CDH18: variants seen among roughly 807,000 people sequenced by gnomAD.
CDH18 encodes the protein cadherin-18.
CDH18 carries 31 observed loss-of-function variants against 67.9 expected under a neutral mutation model. That is an observed-to-expected ratio of 0.46 (90% CI 0.34 to 0.62). CDH18 has a LOEUF of 0.62. CDH18 is among the 20% of genes least tolerant of loss of function. The pLI, the probability that CDH18 is intolerant of heterozygous loss-of-function variation, is 0.01. For missense variants in CDH18, 890 were observed against 975.5 expected, an observed-to-expected ratio of 0.91 and a Z score of 1.17; for synonymous variants, 362 against 347.2, an observed-to-expected ratio of 1.04 and a Z score of -0.48.
intron 1 of CDH18, among the ~76,000 whole-genome samples, chr5:20,323,340 TCTTGAGTCCTAAA>T (rs1221070126): frequency 6.6e-6 from 1 of 152,168 alleles, no homozygotes. Context: ...TTTATTTTTT[TCTTGAGTCCTAAA>T]CTTGGGTCCT....
At chr5:19,928,952 A>C (rs1793387699) in intron 2 of CDH18, among the ~76,000 whole-genome samples, 1 of 150,230 alleles carries the variant, frequency 6.7e-6, no homozygotes, top group African/African-American at 2.4e-5. Context: ...GACCTAAATC[A>C]TTTTTATTTT....
At chr5:20,066,673 T>A (rs997690814) in intron 2 of CDH18, among the ~76,000 whole-genome samples, 2 of 151,736 alleles carry the variant, frequency 1.3e-5, no homozygotes, top group East Asian at 1.9e-4. Context: ...TTTTCATACT[T>A]TTTTTCTTTA....
intron 1 of CDH18, among the ~76,000 whole-genome samples, chr5:20,490,247 T>C (rs189708582): frequency 2.0e-5 from 3 of 152,108 alleles, no homozygotes; most frequent in African/African-American, 7.2e-5. Context: ...GCAAACATTA[T>C]AGTGTGTCAT....
intron 2 of CDH18, among the ~76,000 whole-genome samples, chr5:20,158,339 C>G (rs901032250): frequency 6.6e-6 from 1 of 151,940 alleles, no homozygotes; most frequent in Admixed American, 6.6e-5. Flanking sequence ...TTTTTCACAA[C>G]AAGGCATATT....
At chr5:19,537,543 T>C (rs1749617758) in intron 9 of CDH18, among the ~76,000 whole-genome samples, 2 of 152,236 alleles carry the variant, frequency 1.3e-5, no homozygotes, top group Non-Finnish European at 2.9e-5. Context: ...CAGACACATT[T>C]GGAATCAGAA....
chr5:20,100,837 G>C (rs11748152), intron 2 of CDH18, among the ~76,000 whole-genome samples: 1 of 151,970 alleles, frequency 6.6e-6, no homozygotes, highest in Non-Finnish European at 1.5e-5. Flanking sequence ...GCATCTATCT[G>C]TTGTTTAGTT....
chr5:19,642,793 G>C (rs76357583), intron 5 of CDH18, among the ~76,000 whole-genome samples: 2,270 of 151,974 alleles, frequency 0.015, 55 homozygotes, highest in African/African-American at 0.052. Flanking sequence ...TTACCCCAAA[G>C]ACACAGGCAA....
chr5:19,722,246 G>T (rs1386896424), intron 4 of CDH18, among the ~76,000 whole-genome samples: 1 of 151,752 alleles, frequency 6.6e-6, no homozygotes, highest in Non-Finnish European at 1.5e-5. Context: ...TAGAAACAGG[G>T]TTTCGCCATG....
chr5:20,228,825 T>C (rs1158577879), intron 2 of CDH18, among the ~76,000 whole-genome samples: 1 of 152,130 alleles, frequency 6.6e-6, no homozygotes, highest in Non-Finnish European at 1.5e-5. Context: ...AATGGATGAA[T>C]GGATAAAACA....
intron 3 of CDH18, among the ~76,000 whole-genome samples, chr5:19,827,281 A>G (rs1287282605): frequency 6.6e-6 from 1 of 151,314 alleles, no homozygotes; most frequent in African/African-American, 2.4e-5. Context: ...CAGTAATAGT[A>G]GGAGACTTCA....
intron 2 of CDH18, among the ~76,000 whole-genome samples, chr5:19,908,250 A>C (rs1440473822): frequency 6.6e-6 from 1 of 152,070 alleles, no homozygotes; most frequent in African/African-American, 2.4e-5. Flanking sequence ...AGGTACTTTT[A>C]TGTTTCAAAG....
rs1561848231 is a variant in CDH18, at chr5:20,172,199, T to TAC, written c.-518+83244_-518+83245insGT. Among the ~76,000 whole-genome samples, 31 of 52,860 alleles carry TAC rather than the reference T, an allele frequency of 5.9e-4. 3 individuals carry two copies. In the South Asian group the frequency reaches 0.017, roughly 28 times the overall value. The allele number at this position is 52,860 out of a possible 152,430, so 34.7% of individuals were successfully genotyped here. ...ATCAATAGCATTGTGTGTATATATA[T>TAC]ATATATATATATATATATATATATG... On this transcript the variant is annotated intron_variant, in intron 2 of 14. Transcript: ENST00000507958.
At chr5:20,028,820 T>C (rs1285247796) in intron 2 of CDH18, among the ~76,000 whole-genome samples, 1 of 151,660 alleles carries the variant, frequency 6.6e-6, no homozygotes, top group Non-Finnish European at 1.5e-5. Context: ...AATTTGTCAT[T>C]TAATATTTTT....
At chr5:20,538,255 G>T (rs1756839845) in intron 1 of CDH18, among the ~76,000 whole-genome samples, 1 of 152,068 alleles carries the variant, frequency 6.6e-6, no homozygotes, top group South Asian at 2.1e-4. Context: ...CGTGGGCAGG[G>T]TGTAAGAATT....
At chr5:19,716,489 C>T (rs902177035) in intron 5 of CDH18, among the ~76,000 whole-genome samples, 1 of 151,790 alleles carries the variant, frequency 6.6e-6, no homozygotes, top group Non-Finnish European at 1.5e-5. Flanking sequence ...TATAATAACG[C>T]CATGTCAAAA....
intron 1 of CDH18, among the ~76,000 whole-genome samples, chr5:20,266,571 ATTTTTTTTTT>A (rs34718835): frequency 2.0e-4 from 12 of 59,182 alleles, no homozygotes; most frequent in African/African-American, 4.2e-4. Flanking sequence ...GCCCGGCTGA[ATTTTTTTTTT>A]TTTTTTTTTT....
chr5:20,479,781 G>T (rs894299958), intron 1 of CDH18, among the ~76,000 whole-genome samples: 1 of 152,062 alleles, frequency 6.6e-6, no homozygotes, highest in Non-Finnish European at 1.5e-5. Flanking sequence ...CAATATTCAA[G>T]TATAGGAGGG....
chr5:19,761,339 C>T lies in CDH18; in HGVS notation c.229-14103G>A, dbSNP rs199719592. On this transcript the variant is annotated intron_variant, in intron 3 of 12. Transcript: ENST00000382275. ...GAACTTAGGAGTAACCAACCAGCTT[C>T]ATTATGTTCCTTGGATCTCCACATA... Among the ~76,000 whole-genome samples, 65 of 152,282 alleles carry T rather than the reference C, an allele frequency of 4.3e-4. No homozygotes were observed. The East Asian group carries it at 0.012, about 29-fold the overall frequency.
chr5:20,258,276 A>G (rs558597375), intron 1 of CDH18, among the ~76,000 whole-genome samples: 2 of 152,276 alleles, frequency 1.3e-5, no homozygotes, highest in South Asian at 2.1e-4. Flanking sequence ...AAGAAAAAAA[A>G]TATGTAGAAA....
Sources: allele counts gnomAD v4.1 joint callset (sites outside exome capture counted in the v4.1 genomes callset), GRCh38; gene constraint gnomAD v4.1.1; transcripts MANE v1.5; gene names NCBI Gene and HGNC (gene_info 2026-07-23, HGNC 2026-07-21).